TMEM242: variants seen among roughly 807,000 people sequenced by gnomAD.
TMEM242 encodes UPF0463 transmembrane protein C6orf35.
TMEM242 carries 10 observed loss-of-function variants against 18.2 expected under a neutral mutation model. That is an observed-to-expected ratio of 0.55 (90% CI 0.34 to 0.93). The LOEUF (loss-of-function observed/expected upper bound fraction) is 0.93. Among genes scored for constraint, TMEM242 ranks in the 40% least tolerant of loss-of-function variants. The probability of loss-of-function intolerance (pLI) is 0.02; values close to 1 mark genes in which losing one functional copy is unlikely to be tolerated. For synonymous variants in TMEM242, 57 were observed against 69.9 expected, an observed-to-expected ratio of 0.81 and a Z score of 0.92; for missense variants, 186 against 175.5, an observed-to-expected ratio of 1.06 and a Z score of -0.34.
At chr6:157,318,615 AATAAGAAGTT>A in intron 3 of TMEM242, 157 bp downstream of exon 3, 1 of 674,490 alleles carries the variant, frequency 1.5e-6, no homozygotes, top group South Asian at 2.4e-5. Flanking sequence ...ATTTATTAGT[AATAAGAAGTT>A]GTCTAGTTAT....
At position 157,300,837 on chromosome 6, in the gene TMEM242, T is replaced by G. The variant is rs1374296208; in HGVS notation, c.328-7838A>C. ...AAAAACGACTTCTCAGGTAGAAAGC[T>G]GGCAATGCAGTCCTCAATTAAAATG... On this transcript the variant is annotated intron_variant, in intron 3 of 3. Coordinates refer to ENST00000400788, the MANE Select transcript of TMEM242 (RefSeq NM_018452.6). Among the ~76,000 whole-genome samples, 8 of 152,336 alleles carry G rather than the reference T, an allele frequency of 5.3e-5. No individual in the cohort carries two copies. In the East Asian group the frequency reaches 1.5e-3, roughly 29 times the overall value.
rs72501759 is a variant in TMEM242 at position 157,311,188 on chromosome 6, C to G, written c.327+7594G>C. On this transcript the variant is annotated intron_variant, in intron 3 of 3. Transcript: ENST00000400788. Reference sequence around the variant, plus strand: ...TCATAGTGTCCGAATGTGCGCTCACCCAGCCTGATCATACTGTCCGACTGT... The same window carrying G: ...TCATAGTGTCCGAATGTGCGCTCACGCAGCCTGATCATACTGTCCGACTGT... Among the ~76,000 whole-genome samples, 15 of 39,830 alleles carry G rather than the reference C, an allele frequency of 3.8e-4. 2 individuals are homozygous for G. Among genetic ancestry groups the G allele is most frequent in the African/African-American group, 1.6e-3 (14 of 8,504 alleles). The allele number at this position is 39,830 out of a possible 152,430, so 26.1% of individuals were successfully genotyped here.
intron 2 of TMEM242, 53 bp from the exon 3 acceptor site, chr6:157,318,972 G>A (rs1287497640): frequency 1.3e-6 from 2 of 1,520,334 alleles, no homozygotes; most frequent in Admixed American, 4.4e-5. Context: ...GAAAGAATAA[G>A]CATTCTGGGG....
chr6:157,306,630 C>A (rs1008624535), intron 3 of TMEM242, among the ~76,000 whole-genome samples: 26 of 152,186 alleles, frequency 1.7e-4, no homozygotes, highest in African/African-American at 5.8e-4. Context: ...ATGAAGGCAT[C>A]AGAGTGGCTG....
chr6:157,297,802 C>T (rs782118830), intron 3 of TMEM242, among the ~76,000 whole-genome samples: 1 of 152,178 alleles, frequency 6.6e-6, no homozygotes, highest in East Asian at 1.9e-4. Context: ...TGTATTTGAA[C>T]ATACCGTATT....
intron 3 of TMEM242, among the ~76,000 whole-genome samples, chr6:157,312,882 C>G (rs1554249482): frequency 2.6e-5 from 4 of 152,114 alleles, no homozygotes; most frequent in African/African-American, 4.8e-5. Context: ...GTGCACTCAC[C>G]TAGCCTCATC....
In TMEM242 at chr6:157,290,058, G is replaced by A. The variant is rs781928421; in HGVS notation, c.*2843C>T. On this transcript the variant is annotated 3_prime_UTR_variant, in exon 4 of 4. Coordinates refer to ENST00000400788, the MANE Select transcript of TMEM242 (RefSeq NM_018452.6). ...GACTCTGAATATAACAGCAGCCTAT[G>A]GACTCCTTTTCACAGGGCAGCAGCA... The A allele has an allele frequency of 6.6e-6, 1 of 152,186 alleles. No homozygotes were observed. Among genetic ancestry groups the A allele is most frequent in the Non-Finnish European group, 1.5e-5 (1 of 68,050 alleles). 9.4% of individuals were successfully genotyped at this position (152,186 alleles called of 1,614,324 possible). A position where few individuals can be genotyped will look rare whatever the true frequency, so the allele number is the denominator to read the frequency against.
At chr6:157,313,164 C>T (rs1554249643) in intron 3 of TMEM242, among the ~76,000 whole-genome samples, 28 of 146,624 alleles carry the variant, frequency 1.9e-4, no homozygotes, top group African/African-American at 4.5e-4. Flanking sequence ...CTGGCCTCAT[C>T]ATAGTGTCCC....
chr6:157,309,443 T>C (rs1554248141), intron 3 of TMEM242, among the ~76,000 whole-genome samples: 1 of 152,166 alleles, frequency 6.6e-6, no homozygotes, highest in Non-Finnish European at 1.5e-5. Context: ...AGTGCAGTGG[T>C]GTGATCTTAG....
At chr6:157,297,105 A>G (rs1418690924) in intron 3 of TMEM242, among the ~76,000 whole-genome samples, 2 of 152,232 alleles carry the variant, frequency 1.3e-5, no homozygotes, top group Admixed American at 6.5e-5. Flanking sequence ...TATGCCAGCC[A>G]TATTTCTCAT....
intron 3 of TMEM242, among the ~76,000 whole-genome samples, chr6:157,313,776 ATAGTGTCC>A (rs1778303482): frequency 6.8e-6 from 1 of 146,416 alleles, no homozygotes; most frequent in African/African-American, 2.6e-5. Context: ...TGGCCTAATC[ATAGTGTCC>A]CAGTGTGCGC....
At chr6:157,312,852 C>A (rs1554249452) in intron 3 of TMEM242, among the ~76,000 whole-genome samples, 8 of 149,248 alleles carry the variant, frequency 5.4e-5, no homozygotes, top group African/African-American at 7.5e-5. Context: ...ACTCACCTGG[C>A]CTCATCATAG....
At chr6:157,311,714 G>GC (rs797039010) in intron 3 of TMEM242, among the ~76,000 whole-genome samples, 1 of 6,596 alleles carries the variant, frequency 1.5e-4, no homozygotes, top group Non-Finnish European at 2.8e-4. Context: ...TCATCATAGT[G>GC]CCCCAGTGTA....
chr6:157,312,576 C>CTAGCCTCATCATAGTGCCCCAGTCTG (rs1554249315), intron 3 of TMEM242, among the ~76,000 whole-genome samples: 1 of 145,492 alleles, frequency 6.9e-6, no homozygotes, highest in African/African-American at 2.6e-5. Flanking sequence ...GTACGCTCAC[C>CTAGCCTCATCATAGTGCCCCAGTCTG]CGGCCTCATC....
chr6:157,292,521 C>T lies in TMEM242; in HGVS notation c.*380G>A, dbSNP rs1379500529. 1.3e-5 allele frequency: 2 copies of T among 158,374 alleles called. No individual in the cohort carries two copies. The highest frequency in any genetic ancestry group is 3.6e-4 in the East Asian group (2 of 5,600). The allele number at this position is 158,374 out of a possible 1,614,324, so 9.8% of individuals were successfully genotyped here. On this transcript the variant is annotated 3_prime_UTR_variant, in exon 4 of 4. Transcript: ENST00000400788. ...CTCTTGAAACTCCTTTAATTAGACA[C>T]ATTGCAGTACTATTGCTATTAGGGG...
At chr6:157,310,498 G>C (rs1033829637) in intron 3 of TMEM242, among the ~76,000 whole-genome samples, 12 of 15,004 alleles carry the variant, frequency 8.0e-4, no homozygotes, top group Non-Finnish European at 1.4e-3. Flanking sequence ...CCTCATCATA[G>C]TGTCCCAGTG....
intron 3 of TMEM242, among the ~76,000 whole-genome samples, chr6:157,317,470 T>A (rs1554250451): frequency 6.6e-6 from 1 of 152,182 alleles, no homozygotes; most frequent in African/African-American, 2.4e-5. Context: ...CCCAACCTCT[T>A]AACATTAGGA....
chr6:157,311,354 T>G (rs1554248742), intron 3 of TMEM242, among the ~76,000 whole-genome samples: 13 of 141,306 alleles, frequency 9.2e-5, no homozygotes, highest in Admixed American at 2.1e-4. Flanking sequence ...CAGTGTGCGC[T>G]CACCTAGCCT....
rs1334683746 is a variant in TMEM242 at position 157,305,753 on chromosome 6, G to A, written c.328-12754C>T. Among the ~76,000 whole-genome samples the A allele has an allele frequency of 9.9e-6, 1 of 101,422 alleles. No individual in the cohort carries two copies. The highest frequency in any genetic ancestry group is 7.8e-4 in the East Asian group (1 of 1,286). The allele number at this position is 101,422 out of a possible 152,430, so 66.5% of individuals were successfully genotyped here. On this transcript the variant is annotated intron_variant, in intron 3 of 3. Transcript: ENST00000400788. The surrounding 1 kb of genome is among the most constrained non-coding windows in gnomAD (Gnocchi z 4.1). ...AAGCCACAGTGTTTCAGGATGGAGG[G>A]GGGGCTCCATTGTGCCCAAATGTTG...
Sources: gnomAD v4.1 joint callset for allele counts (sites outside exome capture counted in the v4.1 genomes callset) on GRCh38, gnomAD v4.1.1 for gene constraint, Gnocchi (gnomAD v3.1) non-coding constraint, MANE v1.5 for transcripts, NCBI Gene and HGNC (gene_info 2026-07-23, HGNC 2026-07-21) for gene names.